Variants in PPARGC1A observed in about 807,000 individuals in gnomAD.
PPARGC1A encodes peroxisome proliferator-activated receptor gamma coactivator 1-alpha.
In PPARGC1A, 25 loss-of-function variants were observed where a neutral mutation model predicts 88.7. The observed-to-expected ratio is 0.28, with a 90% CI of 0.21 to 0.39. PPARGC1A has a LOEUF of 0.39. Among genes scored for constraint, PPARGC1A ranks in the 10% least tolerant of loss-of-function variants. PPARGC1A has a pLI of 1.00. For missense variants in PPARGC1A, 880 were observed against 968.7 expected (o/e 0.91, Z 1.22); for synonymous variants, 363 against 355.6 (o/e 1.02, Z -0.24).
chr4:24,326,461 A>C, the PPARGC1A span, among the ~76,000 whole-genome samples: 3 of 152,080 alleles, frequency 2.0e-5, no homozygotes, highest in Non-Finnish European at 2.9e-5. Context: ...TGGATCTCAA[A>C]CATGCTTTCT....
chr4:23,830,969 T>C (rs934988200), intron 3 of PPARGC1A, among the ~76,000 whole-genome samples: 2 of 152,212 alleles, frequency 1.3e-5, no homozygotes, highest in African/African-American at 4.8e-5. Flanking sequence ...TTCGTTGATC[T>C]ACCAATTCTT....
chr4:24,215,182 C>T, the PPARGC1A span, among the ~76,000 whole-genome samples: 1 of 152,208 alleles, frequency 6.6e-6, no homozygotes, highest in Admixed American at 6.5e-5. Flanking sequence ...GACTCAGTCT[C>T]CCCAGGCTAT....
the PPARGC1A span, among the ~76,000 whole-genome samples, chr4:24,266,646 G>A: frequency 6.6e-6 from 1 of 152,156 alleles, no homozygotes; most frequent in Non-Finnish European, 1.5e-5. Context: ...CTTAAGGGCA[G>A]GGGAAATGTG....
chr4:23,990,913 A>C, the PPARGC1A span, among the ~76,000 whole-genome samples: 1 of 152,070 alleles, frequency 6.6e-6, no homozygotes, highest in Non-Finnish European at 1.5e-5. Context: ...TCTGTGGCTA[A>C]AACTGTTCTC....
chr4:24,218,759 A>C, the PPARGC1A span, among the ~76,000 whole-genome samples: 1 of 152,224 alleles, frequency 6.6e-6, no homozygotes, highest in East Asian at 1.9e-4. Context: ...GTGGTTTAGG[A>C]AACACCCATT....
chr4:23,829,756 A>C (rs1724665341), intron 3 of PPARGC1A, 171 bp from the exon 4 acceptor site: 9 of 533,684 alleles, frequency 1.7e-5, no homozygotes, highest in Non-Finnish European at 2.2e-5. Flanking sequence ...TATGATATTT[A>C]AAGAGTAGAA....
chr4:23,879,435 AG>A (rs1715476803), intron 2 of PPARGC1A, among the ~76,000 whole-genome samples: 1 of 152,222 alleles, frequency 6.6e-6, no homozygotes, highest in Non-Finnish European at 1.5e-5. Flanking sequence ...TCACGAGTCT[AG>A]GAAAGTACTT....
rs930952742 is a variant in PPARGC1A, at chr4:23,792,551, G to A, written c.*3271C>T. ...CAGCCCAACTGTTGTTCTCGGAGTCGTTTAGCAAAAAATTGATTTTGTTGC... is the reference window on the plus strand; with the variant it reads ...CAGCCCAACTGTTGTTCTCGGAGTCATTTAGCAAAAAATTGATTTTGTTGC... On this transcript the variant is annotated 3_prime_UTR_variant, in exon 13 of 13. Transcript: ENST00000264867. 6.6e-6 allele frequency: 1 copy of A among 152,268 alleles called. No homozygotes were observed. The highest frequency in any genetic ancestry group is 2.4e-5 in the African/African-American group (1 of 41,346). 9.4% of individuals were successfully genotyped at this position (152,268 alleles called of 1,614,324 possible). A position where few individuals can be genotyped will look rare whatever the true frequency, so the allele number is the denominator to read the frequency against.
upstream of PPARGC1A, among the ~76,000 whole-genome samples, chr4:23,906,983 C>G (rs114483265): frequency 0.023 from 3,496 of 152,266 alleles, 47 homozygotes; most frequent in African/African-American, 0.04. Context: ...CAGGAGTAAT[C>G]ATAGCTAAGC....
upstream of PPARGC1A, among the ~76,000 whole-genome samples, chr4:23,891,558 G>A (rs1717847433): frequency 6.6e-6 from 1 of 152,188 alleles, no homozygotes; most frequent in Non-Finnish European, 1.5e-5. Context: ...CCAGCAGACT[G>A]CTGCTTCTTT....
At chr4:23,923,047 T>C in the PPARGC1A span, among the ~76,000 whole-genome samples, 2 of 152,074 alleles carry the variant, frequency 1.3e-5, no homozygotes, top group African/African-American at 4.8e-5. Context: ...ACTCCTCTGA[T>C]GCTGTACAAC....
the PPARGC1A span, among the ~76,000 whole-genome samples, chr4:24,112,773 A>G: frequency 6.6e-6 from 1 of 152,132 alleles, no homozygotes; most frequent in Admixed American, 6.5e-5. Context: ...CACCCAATTC[A>G]TCCACAAATT....
chr4:24,081,274 T>C, the PPARGC1A span, among the ~76,000 whole-genome samples: 1 of 152,120 alleles, frequency 6.6e-6, no homozygotes, highest in Non-Finnish European at 1.5e-5. Context: ...ACTCAGATCT[T>C]TGATTCACTG....
At chr4:24,258,578 T>C in the PPARGC1A span, among the ~76,000 whole-genome samples, 1 of 152,156 alleles carries the variant, frequency 6.6e-6, no homozygotes, top group African/African-American at 2.4e-5. Context: ...AGAGATAAGA[T>C]TGGAAAAATT....
rs1577430769 is a variant in PPARGC1A, at chr4:23,831,393, T to C, written c.429+164A>G. On this transcript the variant is annotated intron_variant, in intron 3 of 12. Transcript: ENST00000264867. The stretch of plus-strand genomic sequence containing the variant: ...ACGAAGACGTGTATTATCAACACTT[T>C]TAAACAGAGAATCACACAATTTGCA... The C allele has an allele frequency of 8.7e-6, 5 of 575,458 alleles. No individual in the cohort carries two copies. In the East Asian group the frequency reaches 1.4e-4, roughly 16 times the overall value. 35.6% of individuals were successfully genotyped at this position (575,458 alleles called of 1,614,324 possible).
chr4:24,452,654 A>AT, the PPARGC1A span, among the ~76,000 whole-genome samples: 2 of 152,036 alleles, frequency 1.3e-5, no homozygotes, highest in Admixed American at 1.3e-4. Flanking sequence ...CATAAGTGAA[A>AT]TTTTTTCATA....
At chr4:24,295,363 G>T in the PPARGC1A span, among the ~76,000 whole-genome samples, 1 of 152,056 alleles carries the variant, frequency 6.6e-6, no homozygotes, top group Admixed American at 6.6e-5. Flanking sequence ...CAATGCTTAT[G>T]AATAGATTAT....
In PPARGC1A at chr4:23,811,048, A is replaced by G. The variant is rs1385844078; in HGVS notation, c.2019+1699T>C. ...TGAGAAAAATGAGGCAAATTGTTGT[A>G]ATTTGCAAAATGCCTTTGAGTCAGT... is the stretch of plus-strand genomic sequence containing the variant. On this transcript the variant is annotated intron_variant, in intron 10 of 12. Transcript: ENST00000264867. Among the ~76,000 whole-genome samples, 2 of 152,200 alleles carry G rather than the reference A, an allele frequency of 1.3e-5. 1 individual carries two copies.
the PPARGC1A span, among the ~76,000 whole-genome samples, chr4:24,405,754 C>CA: frequency 1.1e-4 from 17 of 150,810 alleles, no homozygotes; most frequent in East Asian, 7.8e-4. Context: ...CATTAGAGGA[C>CA]AAAAAAAAAT....
Sources: gnomAD v4.1 joint callset for allele counts (sites outside exome capture counted in the v4.1 genomes callset) on GRCh38, gnomAD v4.1.1 for gene constraint, MANE v1.5 for transcripts, NCBI Gene and HGNC (gene_info 2026-07-23, HGNC 2026-07-21) for gene names.